MS4A6E: variants seen among roughly 807,000 people sequenced by gnomAD.
MS4A6E encodes membrane spanning 4-domains A6E.
In MS4A6E, 8 loss-of-function variants were observed where a neutral mutation model predicts 13.2. The ratio of observed to expected loss-of-function variants is 0.60; its 90% confidence interval spans 0.35 to 1.09. MS4A6E has a LOEUF of 1.09. Ranked by LOEUF, MS4A6E falls within the 50% of genes least tolerant of loss-of-function variation. MS4A6E has a pLI of 0.02. For synonymous variants in MS4A6E, 72 were observed against 67.6 expected, an observed-to-expected ratio of 1.06 and a Z score of -0.32; for missense variants, 177 against 171.1, an observed-to-expected ratio of 1.03 and a Z score of -0.19.
chr11:60,341,075 A>G lies in MS4A6E; in HGVS notation c.*309A>G, dbSNP rs1030486598. On this transcript the variant is annotated 3_prime_UTR_variant, in exon 5 of 5. Transcript: ENST00000684409. ...AAATTACCATTTACTAGACTAGCCA[A>G]ATAGTCTTAGACATTTCCCAGAAAA... is the stretch of plus-strand genomic sequence containing the variant. The G allele has an allele frequency of 6.6e-5, 10 of 152,262 alleles. No individual in the cohort carries two copies. Among genetic ancestry groups the G allele is most frequent in the Non-Finnish European group, 1.3e-4 (9 of 68,042 alleles). The allele number at this position is 152,262 out of a possible 1,614,324, so 9.4% of individuals were successfully genotyped here. A position where few individuals can be genotyped will look rare whatever the true frequency, so the allele number is the denominator to read the frequency against.
At chr11:60,333,574 T>C (rs904354370) in intron 1 of MS4A6E, among the ~76,000 whole-genome samples, 1 of 152,160 alleles carries the variant, frequency 6.6e-6, no homozygotes, top group Admixed American at 6.5e-5. Flanking sequence ...CCCCTGGTCC[T>C]GAAGGAGAGG....
Position 60,334,866 on chromosome 11 carries a change from AT to A in MS4A6E, c.-14-10del. 1 of 1,611,480 alleles carries A rather than the reference AT, an allele frequency of 6.2e-7. No homozygotes were observed. The highest frequency in any genetic ancestry group is 8.5e-7 in the Non-Finnish European group (1 of 1,178,460). ...CTCTGTACTTTTAAGAGCTAAATCTATTTTTTCTTCCGTAGTTGGCAACACC... is the reference window on the plus strand; with the variant it reads ...CTCTGTACTTTTAAGAGCTAAATCTATTTTTCTTCCGTAGTTGGCAACACC... On this transcript the variant is annotated splice_polypyrimidine_tract_variant and intron_variant, in intron 1 of 4. Transcript: ENST00000684409.
intron 1 of MS4A6E, among the ~76,000 whole-genome samples, chr11:60,332,882 T>C (rs1357814203): frequency 1.3e-5 from 2 of 152,250 alleles, no homozygotes; most frequent in African/African-American, 4.8e-5. Flanking sequence ...AACACCCGCA[T>C]GCCCGCATAA....
At chr11:60,346,398 TCC>T (rs2085256379) in intron 4 of MS4A6E, among the ~76,000 whole-genome samples, 1 of 152,230 alleles carries the variant, frequency 6.6e-6, no homozygotes, top group Non-Finnish European at 1.5e-5. Context: ...CAGGAGGTTC[TCC>T]AAGGTGCTAT....
At chr11:60,346,255 G>A (rs1054186806), downstream of MS4A6E, among the ~76,000 whole-genome samples, 4 of 152,160 alleles carry the variant, frequency 2.6e-5, no homozygotes, top group African/African-American at 4.8e-5. Flanking sequence ...AGCATCTAGC[G>A]GATGCACCTG....
chr11:60,336,567 T>C (rs185114174), intron 2 of MS4A6E, among the ~76,000 whole-genome samples: 216 of 152,234 alleles, frequency 1.4e-3, no homozygotes, highest in African/African-American at 5.0e-3. Context: ...CTTTTTGAGA[T>C]TGAAGAAGAG....
chr11:60,344,241 C>T (rs945646321), downstream of MS4A6E, among the ~76,000 whole-genome samples: 4 of 152,142 alleles, frequency 2.6e-5, no homozygotes, highest in African/African-American at 9.7e-5. Flanking sequence ...ACTTTATTAC[C>T]TCAGATGCCT....
chr11:60,346,290 G>A (rs986530116), downstream of MS4A6E, among the ~76,000 whole-genome samples: 3 of 152,188 alleles, frequency 2.0e-5, no homozygotes, highest in African/African-American at 7.2e-5. Context: ...TTGCAAGCCT[G>A]CAAAACAGCT....
chr11:60,339,129 A>AT (rs2085207657), intron 3 of MS4A6E, among the ~76,000 whole-genome samples: 1 of 151,686 alleles, frequency 6.6e-6, no homozygotes, highest in Non-Finnish European at 1.5e-5. Flanking sequence ...TGATCAAATT[A>AT]CCTCCCTTTA....
At chr11:60,333,258 C>A (rs1295616510) in intron 1 of MS4A6E, among the ~76,000 whole-genome samples, 4 of 152,092 alleles carry the variant, frequency 2.6e-5, no homozygotes, top group Admixed American at 6.6e-5. Context: ...TTCTTTCTAT[C>A]CCAAGCATTT....
In MS4A6E at chr11:60,334,516, C is replaced by T. The variant is rs564433788; in HGVS notation, c.-14-366C>T. 2.6e-5 allele frequency among the ~76,000 whole-genome samples: 4 copies of T among 152,256 alleles called. No individual in the cohort carries two copies. In the East Asian group the frequency reaches 7.7e-4, roughly 29 times the overall value. ...AGACAAAAAATAAATGATTAGAGTG[C>T]ATTTGTCTAAAAAATTCATCAAATA... On this transcript the variant is annotated intron_variant, in intron 1 of 4. Coordinates refer to ENST00000684409, the MANE Select transcript of MS4A6E (RefSeq NM_139249.4).
Position 60,340,933 on chromosome 11 carries a change from G to A in MS4A6E, c.*167G>A, listed in dbSNP as rs961263055. 6.5e-6 allele frequency: 1 copy of A among 152,890 alleles called. No homozygotes were observed. Among genetic ancestry groups the A allele is most frequent in the Non-Finnish European group, 1.5e-5 (1 of 68,084 alleles). The allele number at this position is 152,890 out of a possible 1,614,324, so 9.5% of individuals were successfully genotyped here. A position where few individuals can be genotyped will look rare whatever the true frequency, so the allele number is the denominator to read the frequency against. ...GCAAACTTGAGTTTCCTAAATGTAA[G>A]CATTTAAAGTAATGCATATTTGTTT... On this transcript the variant is annotated 3_prime_UTR_variant, in exon 5 of 5. Transcript: ENST00000684409.
At chr11:60,332,704 T>C (rs565165667) in intron 1 of MS4A6E, among the ~76,000 whole-genome samples, 13 of 152,356 alleles carry the variant, frequency 8.5e-5, no homozygotes, top group African/African-American at 2.9e-4. Context: ...ACCATAAAAC[T>C]GCTCTTTATT....
rs963036246 is a variant in MS4A6E, at chr11:60,341,146, C to T, written c.*380C>T. 1.3e-4 allele frequency among the ~76,000 whole-genome samples: 20 copies of T among 152,146 alleles called. No individual in the cohort carries two copies. Among genetic ancestry groups the T allele is most frequent in the African/African-American group, 4.6e-4 (19 of 41,432 alleles). Reference sequence around the variant, plus strand: ...ATGGATCACAGTGAGGCAAAGGATACAGCTTTTTCTTATACTCCTCAATTG... The same window carrying T: ...ATGGATCACAGTGAGGCAAAGGATATAGCTTTTTCTTATACTCCTCAATTG... On this transcript the variant is annotated 3_prime_UTR_variant, in exon 5 of 5. Coordinates refer to ENST00000684409, the MANE Select transcript of MS4A6E (RefSeq NM_139249.4).
intron 4 of MS4A6E, among the ~76,000 whole-genome samples, chr11:60,347,190 T>C (rs1349688123): frequency 2.6e-5 from 4 of 152,180 alleles, no homozygotes; most frequent in Admixed American, 2.6e-4. Flanking sequence ...AGTAGCTGTC[T>C]CAGATTGTCC....
downstream of MS4A6E, among the ~76,000 whole-genome samples, chr11:60,343,659 A>G (rs1304467904): frequency 6.6e-6 from 1 of 152,210 alleles, no homozygotes; most frequent in East Asian, 1.9e-4. Flanking sequence ...CTGGCTGCGA[A>G]TCTCGAGAGG....
At chr11:60,328,746 T>C (rs908412598) in intron 1 of MS4A6E, among the ~76,000 whole-genome samples, 1 of 147,510 alleles carries the variant, frequency 6.8e-6, no homozygotes, top group African/African-American at 2.5e-5. Context: ...AGAGTGAAAC[T>C]GTGGTTACCA....
At chr11:60,342,639 C>A, downstream of MS4A6E, among the ~76,000 whole-genome samples, 1 of 152,140 alleles carries the variant, frequency 6.6e-6, no homozygotes, top group East Asian at 1.9e-4. Flanking sequence ...CTCCACCTGG[C>A]CGGCACCATA....
At chr11:60,335,085 T>C in intron 2 of MS4A6E, 43 bp downstream of exon 2, 1 of 1,606,832 alleles carries the variant, frequency 6.2e-7, no homozygotes, top group Non-Finnish European at 8.5e-7. Context: ...TTAGGGGAAG[T>C]GGGAAGAGAT....
Sources: gnomAD v4.1 joint callset for allele counts (sites outside exome capture counted in the v4.1 genomes callset) on GRCh38, gnomAD v4.1.1 for gene constraint, MANE v1.5 for transcripts, NCBI Gene and HGNC (gene_info 2026-07-23, HGNC 2026-07-21) for gene names.